MACROD2: variants seen among roughly 807,000 people sequenced by gnomAD.
MACROD2 encodes the protein mono-ADP ribosylhydrolase 2.
Under a neutral mutation model 70.4 loss-of-function variants are expected in MACROD2, and 36 were observed. That is an observed-to-expected ratio of 0.51 (90% CI 0.39 to 0.68). MACROD2 has a LOEUF of 0.68. Among genes scored for constraint, MACROD2 ranks in the 30% least tolerant of loss-of-function variants. The pLI is 0.00. For missense variants in MACROD2, 496 were observed against 538.4 expected (o/e 0.92, Z 0.78); for synonymous variants, 172 against 178.8 (o/e 0.96, Z 0.30).
intron 5 of MACROD2, among the ~76,000 whole-genome samples, chr20:15,017,163 A>T (rs1291789386): frequency 1.3e-5 from 2 of 152,212 alleles, no homozygotes; most frequent in East Asian, 3.9e-4. Flanking sequence ...ATCAGAAGCA[A>T]GGTAGTTACT....
intron 3 of MACROD2, among the ~76,000 whole-genome samples, chr20:14,411,089 G>C (rs1322747706): frequency 2.3e-4 from 35 of 152,164 alleles, no homozygotes; most frequent in Non-Finnish European, 1.5e-5. Flanking sequence ...TAAAGTGTTT[G>C]CTGATGACAG....
intron 7 of MACROD2, among the ~76,000 whole-genome samples, chr20:15,437,713 CATT>C (rs900943137): frequency 6.6e-6 from 1 of 152,088 alleles, no homozygotes; most frequent in African/African-American, 2.4e-5. Flanking sequence ...CATGAGTTCT[CATT>C]ATTTAGCTTT....
At chr20:15,312,887 C>G (rs6043199) in intron 6 of MACROD2, among the ~76,000 whole-genome samples, 21,971 of 152,032 alleles carry the variant, frequency 0.14, 1,784 homozygotes, top group African/African-American at 0.23. Flanking sequence ...AATATACAGA[C>G]ACACATACAT....
At chr20:14,037,077 A>T (rs2053321683) in intron 2 of MACROD2, among the ~76,000 whole-genome samples, 1 of 152,208 alleles carries the variant, frequency 6.6e-6, no homozygotes, top group East Asian at 1.9e-4. Flanking sequence ...CAGATGTGGC[A>T]TAACATGGTT....
intron 5 of MACROD2, among the ~76,000 whole-genome samples, chr20:15,174,971 T>C (rs1045644356): frequency 6.6e-6 from 1 of 152,028 alleles, no homozygotes; most frequent in East Asian, 1.9e-4. Context: ...TTTACTCTGA[T>C]GGTAGTTTCT....
At chr20:14,733,095 A>G (rs993373750) in intron 5 of MACROD2, among the ~76,000 whole-genome samples, 1 of 152,166 alleles carries the variant, frequency 6.6e-6, no homozygotes, top group African/African-American at 2.4e-5. Flanking sequence ...TATGAAAGTG[A>G]GTACATTTTT....
chr20:15,092,315 C>T (rs980030493), intron 5 of MACROD2, among the ~76,000 whole-genome samples: 1 of 150,804 alleles, frequency 6.6e-6, no homozygotes, highest in African/African-American at 2.4e-5. Flanking sequence ...ATTACAGGTA[C>T]ACACATTTTC....
At chr20:15,018,393 G>C (rs2075138010) in intron 5 of MACROD2, among the ~76,000 whole-genome samples, 1 of 152,076 alleles carries the variant, frequency 6.6e-6, no homozygotes, top group African/African-American at 2.4e-5. Flanking sequence ...TCAGCATTTT[G>C]GGCAAAGCTA....
chr20:14,978,950 CAT>C (rs746783132), intron 5 of MACROD2, among the ~76,000 whole-genome samples: 121 of 139,534 alleles, frequency 8.7e-4, no homozygotes, highest in Non-Finnish European at 1.5e-3. Context: ...TATATATAAT[CAT>C]ATATATATAT....
chr20:15,428,021 A>G (rs1007520285), intron 6 of MACROD2, among the ~76,000 whole-genome samples: 1 of 152,198 alleles, frequency 6.6e-6, no homozygotes, highest in African/African-American at 2.4e-5. Context: ...GGTCCAAAAT[A>G]TCAATAGTGC....
intron 6 of MACROD2, among the ~76,000 whole-genome samples, chr20:15,341,000 G>A (rs951828597): frequency 1.3e-5 from 2 of 152,024 alleles, no homozygotes; most frequent in East Asian, 1.9e-4. Flanking sequence ...AGGAATTCTT[G>A]GATTTTAAGT....
intron 5 of MACROD2, among the ~76,000 whole-genome samples, chr20:14,956,024 T>G (rs2074533598): frequency 1.1e-5 from 1 of 92,868 alleles, no homozygotes; most frequent in South Asian, 4.6e-4. Flanking sequence ...CTTTTAGCTG[T>G]TTTTTTTTTT....
intron 9 of MACROD2, among the ~76,000 whole-genome samples, chr20:15,873,915 A>AT (rs1167252722): frequency 6.6e-6 from 1 of 151,892 alleles, no homozygotes; most frequent in African/African-American, 2.4e-5. Context: ...TATTATTATT[A>AT]TTTTTTATTT....
intron 5 of MACROD2, among the ~76,000 whole-genome samples, chr20:14,796,297 G>A (rs1007730889): frequency 1.3e-5 from 2 of 152,058 alleles, no homozygotes; most frequent in Non-Finnish European, 2.9e-5. Context: ...CTTTTTCACT[G>A]TAGGGCATTC....
At chr20:16,025,421 G>A (rs2067064091) in intron 15 of MACROD2, among the ~76,000 whole-genome samples, 1 of 152,242 alleles carries the variant, frequency 6.6e-6, no homozygotes, top group Non-Finnish European at 1.5e-5. Flanking sequence ...CTATGGGAGA[G>A]ACCAGGGTAC....
intron 5 of MACROD2, among the ~76,000 whole-genome samples, chr20:14,858,000 T>C (rs1233782241): frequency 1.3e-5 from 2 of 152,058 alleles, no homozygotes; most frequent in Admixed American, 6.6e-5. Flanking sequence ...TTTGTATTTT[T>C]AGTAGAGACT....
rs113375831 is a variant in MACROD2 at position 14,930,830 on chromosome 20, TA to T, written c.418+245873del. Among the ~76,000 whole-genome samples the T allele has an allele frequency of 8.1e-3, 1,060 of 131,264 alleles. 7 individuals are homozygous for T. The highest frequency in any genetic ancestry group is 0.012 in the Non-Finnish European group (730 of 62,410). The allele number at this position is 131,264 out of a possible 152,430, so 86.1% of individuals were successfully genotyped here. On this transcript the variant is annotated intron_variant, in intron 5 of 17. Transcript: ENST00000684519. ...CCCATGTTTTCATTCATTTTTTAAG[TA>T]ATTTTTTTTTAATTATGGCAATTTT...
At chr20:14,804,610 G>A (rs1276646938) in intron 5 of MACROD2, among the ~76,000 whole-genome samples, 1 of 151,920 alleles carries the variant, frequency 6.6e-6, no homozygotes, top group Non-Finnish European at 1.5e-5. Flanking sequence ...AGTTTCAGAG[G>A]CTTTCATGTG....
chr20:14,270,270 C>G (rs538381123), intron 3 of MACROD2, among the ~76,000 whole-genome samples: 1 of 152,122 alleles, frequency 6.6e-6, no homozygotes, highest in East Asian at 1.9e-4. Context: ...AGGAGTGATT[C>G]CATTGCAAGG....
Sources: gnomAD v4.1 joint callset for allele counts (sites outside exome capture counted in the v4.1 genomes callset) on GRCh38, gnomAD v4.1.1 for gene constraint, MANE v1.5 for transcripts, NCBI Gene and HGNC (gene_info 2026-07-23, HGNC 2026-07-21) for gene names.